Variants in SNTG1 observed in about 807,000 individuals in gnomAD.
SNTG1 encodes gamma-1-syntrophin.
Under a neutral mutation model 74.7 loss-of-function variants are expected in SNTG1, and 39 were observed. That is an observed-to-expected ratio of 0.52 (90% confidence interval 0.40 to 0.68). The LOEUF (loss-of-function observed/expected upper bound fraction) is 0.68, where lower values mean the gene tolerates loss of function less well. SNTG1 is among the 30% of genes least tolerant of loss of function. SNTG1 has a pLI of 0.00. For synonymous variants in SNTG1, 254 were observed against 217.1 expected (o/e 1.17, Z -1.49); for missense variants, 685 against 609.5 (o/e 1.12, Z -1.30).
rs1289166549 is a variant in SNTG1, at chr8:50,794,040, C to A, written c.*1211C>A. ...TACTCAGATTCCAGGTATTATTCAA[C>A]TAGTTGTATAACATGGAACACAGTC... On this transcript the variant is annotated 3_prime_UTR_variant, in exon 19 of 19. Coordinates refer to ENST00000642720, the MANE Select transcript of SNTG1 (RefSeq NM_018967.5). 1 of 151,424 alleles carries A rather than the reference C, an allele frequency of 6.6e-6. No homozygotes were observed. Among genetic ancestry groups the A allele is most frequent in the Non-Finnish European group, 1.5e-5 (1 of 67,840 alleles). The allele number at this position is 151,424 out of a possible 1,614,324, so 9.4% of individuals were successfully genotyped here.
At chr8:50,111,204 C>T (rs1321984215) in intron 1 of SNTG1, among the ~76,000 whole-genome samples, 1 of 152,102 alleles carries the variant, frequency 6.6e-6, no homozygotes, top group Admixed American at 6.6e-5. Flanking sequence ...CTGAGGTCAC[C>T]TACTGTACTT....
chr8:50,131,619 A>G (rs1276341366), intron 1 of SNTG1, among the ~76,000 whole-genome samples: 1 of 152,096 alleles, frequency 6.6e-6, no homozygotes, highest in Non-Finnish European at 1.5e-5. Flanking sequence ...TATCTTGGCT[A>G]TTGTGAATAA....
At chr8:50,216,690 T>C (rs185341855) in intron 2 of SNTG1, among the ~76,000 whole-genome samples, 5 of 152,268 alleles carry the variant, frequency 3.3e-5, no homozygotes, top group African/African-American at 1.2e-4. Flanking sequence ...AAAATAACCA[T>C]GGATCGTGCT....
At chr8:50,555,076 A>G (rs1222874327) in intron 12 of SNTG1, among the ~76,000 whole-genome samples, 1 of 152,162 alleles carries the variant, frequency 6.6e-6, no homozygotes, top group Non-Finnish European at 1.5e-5. Context: ...AGCAACAACA[A>G]AACAGTGAAG....
At chr8:50,576,311 CTCTAT>C (rs998170666) in intron 12 of SNTG1, among the ~76,000 whole-genome samples, 1 of 152,110 alleles carries the variant, frequency 6.6e-6, no homozygotes, top group Non-Finnish European at 1.5e-5. Flanking sequence ...TATTTCTGGA[CTCTAT>C]TCTATTCTAT....
chr8:50,753,534 G>A (rs942186018), intron 18 of SNTG1, among the ~76,000 whole-genome samples: 6 of 151,872 alleles, frequency 4.0e-5, no homozygotes, highest in Non-Finnish European at 8.8e-5. Flanking sequence ...CTTTGCAAAG[G>A]AACAAGAGTG....
intron 1 of SNTG1, among the ~76,000 whole-genome samples, chr8:50,147,668 T>C (rs1401661257): frequency 6.6e-6 from 1 of 152,180 alleles, no homozygotes. Context: ...ACTTTGAAGC[T>C]CATAGTTCTG....
intron 1 of SNTG1, among the ~76,000 whole-genome samples, chr8:49,950,999 C>A (rs932829940): frequency 1.3e-5 from 2 of 152,144 alleles, no homozygotes; most frequent in Non-Finnish European, 2.9e-5. Context: ...ATACCTAAAA[C>A]GTCTTTTGTT....
chr8:50,168,341 C>A (rs1238941127), intron 1 of SNTG1, among the ~76,000 whole-genome samples: 1 of 152,068 alleles, frequency 6.6e-6, no homozygotes, highest in Non-Finnish European at 1.5e-5. Context: ...ACTATTAAGA[C>A]CAAGTCATTC....
chr8:50,489,642 T>G (rs545106251), intron 8 of SNTG1, among the ~76,000 whole-genome samples: 1 of 152,220 alleles, frequency 6.6e-6, no homozygotes, highest in Non-Finnish European at 1.5e-5. Flanking sequence ...TCTTGTAAAT[T>G]TGTTTAAGCT....
intron 13 of SNTG1, among the ~76,000 whole-genome samples, chr8:50,634,238 T>C (rs2095023841): frequency 6.6e-6 from 1 of 152,220 alleles, no homozygotes; most frequent in African/African-American, 2.4e-5. Flanking sequence ...GCCAATAGCT[T>C]AGCTGTTTGG....
At chr8:50,100,299 T>G (rs562844984) in intron 1 of SNTG1, among the ~76,000 whole-genome samples, 1 of 152,034 alleles carries the variant, frequency 6.6e-6, no homozygotes, top group Non-Finnish European at 1.5e-5. Context: ...AAAAGGACAG[T>G]TTTATTAAAG....
chr8:50,105,875 G>T (rs1477382524), intron 1 of SNTG1, among the ~76,000 whole-genome samples: 2 of 152,010 alleles, frequency 1.3e-5, no homozygotes, highest in African/African-American at 4.8e-5. Flanking sequence ...TTTATACATT[G>T]ATTTTGTATC....
chr8:49,937,468 A>G (rs929517907), intron 1 of SNTG1, among the ~76,000 whole-genome samples: 8 of 152,234 alleles, frequency 5.3e-5, no homozygotes, highest in African/African-American at 1.9e-4. Context: ...AAGCTGTTAC[A>G]AAATTAATTC....
Position 50,717,463 on chromosome 8 carries a change from A to G in SNTG1, c.1284+8485A>G, listed in dbSNP as rs370509065. ...TTCCTTACAGCGTTATTCTAAAATT[A>G]AATGAGATAGCATGTTAAAAATAAT... On this transcript the variant is annotated intron_variant, in intron 17 of 18. Transcript: ENST00000642720. 1.3e-5 allele frequency among the ~76,000 whole-genome samples: 2 copies of G among 152,372 alleles called. 1 individual carries two copies. The highest frequency in any genetic ancestry group is 4.8e-5 in the African/African-American group (2 of 41,596).
Position 50,277,782 on chromosome 8 carries a change from ATTAAG to A in SNTG1, c.-28+105150_-28+105154del, listed in dbSNP as rs796798069. ...AGACACCTAATCAGGATTTGTATAA[ATTAAG>A]TTTTTATTAATTTTATTTACATGTA... On this transcript the variant is annotated intron_variant, in intron 2 of 18. Coordinates refer to ENST00000642720, the MANE Select transcript of SNTG1 (RefSeq NM_018967.5). Among the ~76,000 whole-genome samples the A allele has an allele frequency of 1.1e-4, 16 of 152,322 alleles. No individual in the cohort carries two copies. In the East Asian group the frequency reaches 2.5e-3, roughly 24 times the overall value.
intron 17 of SNTG1, among the ~76,000 whole-genome samples, chr8:50,713,601 G>A (rs541848393): frequency 6.6e-6 from 1 of 152,124 alleles, no homozygotes; most frequent in Admixed American, 6.5e-5. Flanking sequence ...GGATGGAATT[G>A]CCTAGGTTTT....
chr8:50,214,296 A>T lies in SNTG1; in HGVS notation c.-28+41661A>T, dbSNP rs1037902132. Among the ~76,000 whole-genome samples the T allele has an allele frequency of 2.2e-3, 336 of 149,858 alleles. 3 individuals are homozygous for T. Among genetic ancestry groups the T allele is most frequent in the African/African-American group, 7.5e-3 (309 of 40,966 alleles). ...GGGGGGAGGGATAACATTAGGAGAT[A>T]TACCTAATGCTAAATGACGAGTTAA... On this transcript the variant is annotated intron_variant, in intron 2 of 18. Transcript: ENST00000642720.
chr8:50,152,943 T>A (rs1179147351), intron 1 of SNTG1, among the ~76,000 whole-genome samples: 1 of 152,184 alleles, frequency 6.6e-6, no homozygotes, highest in African/African-American at 2.4e-5. Flanking sequence ...TGAATTTGAA[T>A]GTTGGCCTGC....
Sources: allele counts gnomAD v4.1 joint callset (sites outside exome capture counted in the v4.1 genomes callset), GRCh38; gene constraint gnomAD v4.1.1; transcripts MANE v1.5; gene names NCBI Gene and HGNC (gene_info 2026-07-23, HGNC 2026-07-21).